DEPDC5: variants seen among roughly 807,000 people sequenced by gnomAD.
DEPDC5 encodes the protein GATOR1 complex protein DEPDC5.
In DEPDC5, 73 loss-of-function variants were observed where a neutral mutation model predicts 217.3. That is an observed-to-expected ratio of 0.34 (90% CI 0.28 to 0.41). The LOEUF is 0.41. Among genes scored for constraint, DEPDC5 ranks in the 10% least tolerant of loss-of-function variants. DEPDC5 has a pLI of 1.00. For missense variants in DEPDC5, 1,675 were observed against 2,070.1 expected, an observed-to-expected ratio of 0.81 and a Z score of 3.70; for synonymous variants, 733 against 756.7, an observed-to-expected ratio of 0.97 and a Z score of 0.51.
In DEPDC5 at chr22:31,832,272, T is replaced by C. The variant is rs564661972; in HGVS notation, c.2105-1643T>C. Reference sequence around the variant, plus strand: ...ATATGAACAAAGTTTTCGTACGAACTTAAGTTTTCATTTTTCTTGTATAAA... The same window carrying C: ...ATATGAACAAAGTTTTCGTACGAACCTAAGTTTTCATTTTTCTTGTATAAA... On this transcript the variant is annotated intron_variant, in intron 24 of 42. Transcript: ENST00000651528. 1.2e-4 allele frequency among the ~76,000 whole-genome samples: 19 copies of C among 152,350 alleles called. No homozygotes were observed. The South Asian group carries it at 3.9e-3, about 32-fold the overall frequency.
At chr22:31,789,638 C>T (rs904733520) in intron 10 of DEPDC5, among the ~76,000 whole-genome samples, 23 of 152,060 alleles carry the variant, frequency 1.5e-4, no homozygotes, top group Admixed American at 7.9e-4. Context: ...TTATTTCATT[C>T]GATTATCTCA....
intron 10 of DEPDC5, among the ~76,000 whole-genome samples, chr22:31,789,541 C>A (rs979599986): frequency 1.3e-5 from 2 of 151,998 alleles, no homozygotes; most frequent in African/African-American, 4.8e-5. Context: ...GTTTTGGATC[C>A]AAATAATGGT....
At position 31,893,454 on chromosome 22, in the gene DEPDC5, C is replaced by A. The variant is rs966032514; in HGVS notation, c.4034-128C>A. ...CAATATCTAGATGATTTCCAGGAAA[C>A]TTCTGGAATCTGCAGTTTTCTTTTA... is the stretch of plus-strand genomic sequence containing the variant. On this transcript the variant is annotated intron_variant, in intron 38 of 42. Transcript: ENST00000651528. 17 of 872,880 alleles carry A rather than the reference C, an allele frequency of 1.9e-5. No individual in the cohort carries two copies. The Admixed American group carries it at 4.0e-4, about 21-fold the overall frequency. 54.1% of individuals were successfully genotyped at this position (872,880 alleles called of 1,614,324 possible).
At chr22:31,866,268 TTGGA>T (rs1211697086) in intron 33 of DEPDC5, among the ~76,000 whole-genome samples, 20 of 152,268 alleles carry the variant, frequency 1.3e-4, no homozygotes, top group Non-Finnish European at 1.6e-4. Flanking sequence ...AACGCCAGAC[TTGGA>T]TTTTGCCATT....
At chr22:31,897,824 G>T (rs2093580086) in intron 40 of DEPDC5, among the ~76,000 whole-genome samples, 171 bp downstream of exon 40, 1 of 152,120 alleles carries the variant, frequency 6.6e-6, no homozygotes, top group Non-Finnish European at 1.5e-5. Context: ...TTAGTGGCTG[G>T]ATAACTCTGG....
At chr22:31,899,681 T>C (rs2093614401) in intron 40 of DEPDC5, among the ~76,000 whole-genome samples, 1 of 152,184 alleles carries the variant, frequency 6.6e-6, no homozygotes, top group Non-Finnish European at 1.5e-5. Context: ...CATGAGCCAC[T>C]GTGCCTGGCT....
chr22:31,836,714 G>A (rs2091024575), intron 25 of DEPDC5: 3 of 469,544 alleles, frequency 6.4e-6, no homozygotes, highest in African/African-American at 4.0e-5. Flanking sequence ...CTCACAGTCA[G>A]CAGAAAATGA....
In DEPDC5 at chr22:31,876,238, A is replaced by G; in HGVS notation, c.3778A>G (p.Ile1260Val). The G allele has an allele frequency of 6.2e-7, 1 of 1,613,910 alleles. No individual in the cohort carries two copies. ...TFIYGFYFYK[I>V]VTDKEPDRVA... The stretch of plus-strand genomic sequence containing the variant: ...CATCTACGGCTTCTATTTCTACAAG[A>G]TAGTAACGGACAAAGAGCCCGACCG... The change falls in exon 37 of 43, where the codon ATA (isoleucine) becomes GTA (valine). Residue 1260 changes from isoleucine to valine, a missense_variant. By Grantham distance (29) the Ile-to-Val change is conservative (BLOSUM62 3). Coordinates refer to ENST00000651528, the MANE Select transcript of DEPDC5 (RefSeq NM_001242896.3).
At chr22:31,845,296 C>A in intron 30 of DEPDC5, 59 bp downstream of exon 30, 1 of 1,555,312 alleles carries the variant, frequency 6.4e-7, no homozygotes. Flanking sequence ...CCTGCCACCT[C>A]CTCTATTAGG....
intron 5 of DEPDC5, among the ~76,000 whole-genome samples, 171 bp from the exon 6 acceptor site, chr22:31,766,414 A>G (rs1212703612): frequency 6.6e-6 from 1 of 152,212 alleles, no homozygotes; most frequent in Non-Finnish European, 1.5e-5. Flanking sequence ...CTATACTGAA[A>G]AGTGTGCTTT....
At chr22:31,811,664 C>T (rs981619744) in intron 20 of DEPDC5, among the ~76,000 whole-genome samples, 1 of 152,080 alleles carries the variant, frequency 6.6e-6, no homozygotes, top group East Asian at 1.9e-4. Context: ...ATCCTCTTGC[C>T]TCTGCCTCCC....
chr22:31,837,191 G>A (rs763221303), intron 26 of DEPDC5, 36 bp downstream of exon 26: 1 of 1,611,290 alleles, frequency 6.2e-7, no homozygotes, highest in African/African-American at 1.3e-5. Flanking sequence ...GGCTTGGTTG[G>A]TGAGGGTTTC....
At chr22:31,816,102 C>A in intron 21 of DEPDC5, 2 of 784,962 alleles carry the variant, frequency 2.5e-6, no homozygotes, top group East Asian at 1.3e-4. Context: ...AAGTTTGAGA[C>A]CAGCCTGGTC....
At chr22:31,804,675 G>A (rs1453768244) in intron 16 of DEPDC5, among the ~76,000 whole-genome samples, 167 bp from the exon 17 acceptor site, 1 of 152,210 alleles carries the variant, frequency 6.6e-6, no homozygotes, top group Non-Finnish European at 1.5e-5. Flanking sequence ...CCTGATTGCA[G>A]GTGGTCCGCC....
chr22:31,782,863 C>T lies in DEPDC5; in HGVS notation c.484-1044C>T, dbSNP rs189159931. ...TATTTTCACTGTCTCTGAAACAGGG[C>T]TCAGAGTTAAGAGCTCAGTAACTAT... is the stretch of plus-strand genomic sequence containing the variant. On this transcript the variant is annotated intron_variant, in intron 8 of 42. Coordinates refer to ENST00000651528, the MANE Select transcript of DEPDC5 (RefSeq NM_001242896.3). 2.8e-3 allele frequency among the ~76,000 whole-genome samples: 432 copies of T among 152,278 alleles called. 2 individuals are homozygous for T. Among genetic ancestry groups the T allele is most frequent in the African/African-American group, 9.0e-3 (373 of 41,562 alleles).
chr22:31,904,354 G>A (rs2093718489), intron 41 of DEPDC5, among the ~76,000 whole-genome samples: 1 of 152,144 alleles, frequency 6.6e-6, no homozygotes, highest in African/African-American at 2.4e-5. Flanking sequence ...CTTTCCTGGT[G>A]ACCTAAGGAA....
At chr22:31,819,661 G>A (rs551426678) in intron 22 of DEPDC5, among the ~76,000 whole-genome samples, 280 of 151,904 alleles carry the variant, frequency 1.8e-3, no homozygotes, top group Non-Finnish European at 2.6e-3. Context: ...GTAGAGACAG[G>A]GTTTCACCAT....
intron 2 of DEPDC5, 146 bp downstream of exon 2, chr22:31,755,125 C>G: frequency 2.4e-6 from 2 of 820,654 alleles, no homozygotes; most frequent in East Asian, 2.5e-5. Context: ...CATACAGTAA[C>G]AATAGGAGGA....
intron 24 of DEPDC5, chr22:31,826,419 T>C: frequency 2.4e-6 from 1 of 408,322 alleles, no homozygotes; most frequent in South Asian, 1.8e-5. Flanking sequence ...TAACATATTT[T>C]GTATTCCAGG....
Sources: allele counts gnomAD v4.1 joint callset (sites outside exome capture counted in the v4.1 genomes callset), GRCh38; gene constraint gnomAD v4.1.1; transcripts MANE v1.5; gene names NCBI Gene and HGNC (gene_info 2026-07-23, HGNC 2026-07-21).